The following RASGRF1 variants were observed in gnomAD, a reference collection of about 807,000 sequenced individuals.
RASGRF1 encodes Ras protein specific guanine nucleotide releasing factor 1.
In RASGRF1, 40 loss-of-function variants were observed where a neutral mutation model predicts 138.7. That is an observed-to-expected ratio of 0.29 (90% CI 0.22 to 0.38). The LOEUF (loss-of-function observed/expected upper bound fraction) is 0.38. RASGRF1 is among the 10% of genes least tolerant of loss of function. The probability of loss-of-function intolerance (pLI) is 1.00; values close to 1 mark genes in which losing one functional copy is unlikely to be tolerated. For synonymous variants in RASGRF1, 614 were observed against 663.2 expected, an observed-to-expected ratio of 0.93 and a Z score of 1.14; for missense variants, 1,108 against 1,650.4, an observed-to-expected ratio of 0.67 and a Z score of 5.69.
intron 3 of RASGRF1, among the ~76,000 whole-genome samples, chr15:79,052,403 T>A (rs568598696): frequency 5.3e-5 from 8 of 152,274 alleles, no homozygotes; most frequent in Admixed American, 4.6e-4. Context: ...ACAGCTCAGC[T>A]CTCTCTCCTG....
intron 2 of RASGRF1, among the ~76,000 whole-genome samples, chr15:79,061,979 T>C (rs987397522): frequency 6.6e-6 from 1 of 152,220 alleles, no homozygotes; most frequent in African/African-American, 2.4e-5. Context: ...AGCAACTGCC[T>C]TGCAATTTTC....
chr15:78,991,996 C>T (rs1026394255), intron 20 of RASGRF1, among the ~76,000 whole-genome samples: 13 of 152,054 alleles, frequency 8.5e-5, no homozygotes, highest in Non-Finnish European at 1.9e-4. Context: ...GGAGATGGGC[C>T]CCGCCCTGTT....
intron 1 of RASGRF1, among the ~76,000 whole-genome samples, chr15:79,089,821 C>T (rs1018459899): frequency 2.6e-5 from 4 of 152,244 alleles, no homozygotes; most frequent in Non-Finnish European, 5.9e-5. Flanking sequence ...CGGTGTAGAA[C>T]AGACGATCGG....
Position 79,073,031 on chromosome 15 carries a change from G to A in RASGRF1, c.277-8505C>T, listed in dbSNP as rs995919846. On this transcript the variant is annotated intron_variant, in intron 1 of 26. Transcript: ENST00000558480. The surrounding 1 kb of genome is among the most constrained non-coding windows in gnomAD (Gnocchi z 4.2). ...TCTGCGGAACAGCAGCATTGTTCTG[G>A]AGTCAGTCCCAGGGACATCCTAGAA... Among the ~76,000 whole-genome samples, 2 of 152,186 alleles carry A rather than the reference G, an allele frequency of 1.3e-5. No individual in the cohort carries two copies. The highest frequency in any genetic ancestry group is 4.8e-5 in the African/African-American group (2 of 41,452).
intron 23 of RASGRF1, chr15:78,984,606 G>C (rs542899782): frequency 3.1e-5 from 8 of 261,780 alleles, no homozygotes; most frequent in Non-Finnish European, 5.3e-5. Context: ...TCATCTGACG[G>C]AAGTGTCCTC....
intron 1 of RASGRF1, among the ~76,000 whole-genome samples, chr15:79,065,462 G>C (rs867035155): frequency 2.0e-4 from 30 of 152,218 alleles, no homozygotes; most frequent in Middle Eastern, 3.4e-3. Context: ...TGGGAGGAGA[G>C]AGCAGCAGGG....
chr15:79,032,421 G>A lies in RASGRF1; in HGVS notation c.959-105C>T. On this transcript the variant is annotated intron_variant, in intron 6 of 26. Coordinates refer to ENST00000558480, the MANE Select transcript of RASGRF1 (RefSeq NM_001145648.3). This position sits in a 1 kb window ranked among gnomAD's most constrained non-coding sequence, Gnocchi z 4.5. ...TACACCCAGAGAGGCCAGGGGCCAG[G>A]TTCAAGTTCCCCACCCCAGAGACAT... The A allele has an allele frequency of 1.8e-6, 2 of 1,129,114 alleles. No individual in the cohort carries two copies. The highest frequency in any genetic ancestry group is 2.5e-6 in the Non-Finnish European group (2 of 785,584). The allele number at this position is 1,129,114 out of a possible 1,614,324, so 69.9% of individuals were successfully genotyped here. A position where few individuals can be genotyped will look rare whatever the true frequency, so the allele number is the denominator to read the frequency against.
chr15:78,999,003 C>A (rs1306202515), intron 17 of RASGRF1, among the ~76,000 whole-genome samples, 178 bp from the exon 18 acceptor site: 2 of 152,210 alleles, frequency 1.3e-5, no homozygotes, highest in African/African-American at 4.8e-5. Context: ...GATGTCATGG[C>A]TCCTCAGTCA....
At chr15:79,039,126 C>G (rs995357615) in intron 5 of RASGRF1, among the ~76,000 whole-genome samples, 1 of 146,742 alleles carries the variant, frequency 6.8e-6, no homozygotes, top group African/African-American at 2.5e-5. Flanking sequence ...ATAGGGAGAC[C>G]CCGTCTCTAC....
rs942024870 is a variant in RASGRF1 at position 79,005,504 on chromosome 15, T to C, written c.2075+682A>G. 18 of 985,328 alleles carry C rather than the reference T, an allele frequency of 1.8e-5. No homozygotes were observed. In the African/African-American group the frequency reaches 3.1e-4, roughly 17 times the overall value. The allele number at this position is 985,328 out of a possible 1,614,324, so 61.0% of individuals were successfully genotyped here. A position where few individuals can be genotyped will look rare whatever the true frequency, so the allele number is the denominator to read the frequency against. ...AAGATAATCACCTACCATTCCTGGA[T>C]GCAGTGAAGTCCATTAGGGGCCTGA... is the stretch of plus-strand genomic sequence containing the variant. On this transcript the variant is annotated intron_variant, in intron 14 of 26. Transcript: ENST00000558480.
In RASGRF1 at chr15:79,049,097, G is replaced by A. The variant is rs77086471; in HGVS notation, c.624+399C>T. 6.6e-3 allele frequency among the ~76,000 whole-genome samples: 1,005 copies of A among 152,214 alleles called. 22 individuals are homozygous for A. The East Asian group carries it at 0.074, about 11-fold the overall frequency. On this transcript the variant is annotated intron_variant, in intron 4 of 26. Coordinates refer to ENST00000558480, the MANE Select transcript of RASGRF1 (RefSeq NM_001145648.3). ...TCAGGAGGTACTTGTGAGAGGTGGC[G>A]TGTACATGGCAGTGGGGGTGGCATG...
intron 26 of RASGRF1, among the ~76,000 whole-genome samples, chr15:78,962,541 A>G (rs2055567418): frequency 1.3e-5 from 2 of 152,196 alleles, no homozygotes; most frequent in Admixed American, 6.5e-5. Flanking sequence ...GTGTTTCTGT[A>G]TGTTTGATCT....
At chr15:79,055,199 C>A (rs748829596) in intron 3 of RASGRF1, among the ~76,000 whole-genome samples, 1 of 152,132 alleles carries the variant, frequency 6.6e-6, no homozygotes, top group African/African-American at 2.4e-5. Flanking sequence ...TAGTCTAAGA[C>A]CCTGGGCCTT....
At position 79,035,117 on chromosome 15, in the gene RASGRF1, G is replaced by A. The variant is rs760964774; in HGVS notation, c.958+14C>T. ...GGACTTCTCTGGGGGCCGCAGTGAG[G>A]GCTGACTACTCACCCAGGACCAGCG... On this transcript the variant is annotated intron_variant, in intron 6 of 26. Transcript: ENST00000558480. The A allele has an allele frequency of 1.2e-6, 2 of 1,606,890 alleles. No individual in the cohort carries two copies. Among genetic ancestry groups the A allele is most frequent in the Non-Finnish European group, 1.7e-6 (2 of 1,174,360 alleles).
chr15:79,067,752 G>C (rs1329958890), intron 1 of RASGRF1, among the ~76,000 whole-genome samples: 1 of 152,148 alleles, frequency 6.6e-6, no homozygotes, highest in African/African-American at 2.4e-5. Context: ...CTCTATGTAG[G>C]AATTGGTAGG....
At chr15:79,028,659 G>A (rs1309718680) in intron 8 of RASGRF1, among the ~76,000 whole-genome samples, 1 of 152,122 alleles carries the variant, frequency 6.6e-6, no homozygotes, top group East Asian at 1.9e-4. Context: ...AGGGGAATTT[G>A]GCAGTGGCAG....
At chr15:78,979,290 A>T in intron 24 of RASGRF1, 1 of 957,466 alleles carries the variant, frequency 1.0e-6, no homozygotes, top group Non-Finnish European at 1.4e-6. Context: ...CAGGAAGAAA[A>T]CGCAAAGAGG....
intron 4 of RASGRF1, among the ~76,000 whole-genome samples, chr15:79,047,731 T>C (rs977138614): frequency 2.0e-5 from 3 of 152,132 alleles, no homozygotes; most frequent in African/African-American, 2.4e-5. Flanking sequence ...AGGGCCTTGA[T>C]TGACACACAC....
In RASGRF1 at chr15:79,005,745, C is replaced by CCCTT. The variant is rs1173727977; in HGVS notation, c.2075+437_2075+440dup. On this transcript the variant is annotated intron_variant, in intron 14 of 26. Coordinates refer to ENST00000558480, the MANE Select transcript of RASGRF1 (RefSeq NM_001145648.3). ...TCCCTCCCTCCCTCCCTCCCTCCCT[C>CCCTT]CCTTCCTTCCTTCCTCTCTCCCTTT... The CCCTT allele has an allele frequency of 4.2e-5, 11 of 261,838 alleles. 1 individual carries two copies. Among genetic ancestry groups the CCCTT allele is most frequent in the Admixed American group, 1.3e-4 (1 of 7,440 alleles). 16.2% of individuals were successfully genotyped at this position (261,838 alleles called of 1,614,324 possible).
Sources: gnomAD v4.1 joint callset for allele counts (sites outside exome capture counted in the v4.1 genomes callset) on GRCh38, gnomAD v4.1.1 for gene constraint, Gnocchi (gnomAD v3.1) non-coding constraint, MANE v1.5 for transcripts, NCBI Gene and HGNC (gene_info 2026-07-23, HGNC 2026-07-21) for gene names.